Variants in BLK observed in about 807,000 individuals in gnomAD.
BLK encodes BLK proto-oncogene, Src family tyrosine kinase.
BLK carries 64 observed loss-of-function variants against 61.8 expected under a neutral mutation model. That is an observed-to-expected ratio of 1.03 (90% CI 0.85 to 1.27). The LOEUF (loss-of-function observed/expected upper bound fraction) is 1.27, where lower values mean the gene tolerates loss of function less well. BLK is among the 50% of genes most tolerant of loss of function. The pLI, the probability that BLK is intolerant of heterozygous loss-of-function variation, is 0.00. For synonymous variants in BLK, 351 were observed against 272.0 expected (o/e 1.29, Z -2.86); for missense variants, 853 against 660.5 (o/e 1.29, Z -3.19).
intron 1 of BLK, among the ~76,000 whole-genome samples, chr8:11,496,518 C>A (rs568265554): frequency 1.1e-3 from 172 of 152,372 alleles, no homozygotes; most frequent in African/African-American, 4.1e-3. Context: ...GCTGGGATTG[C>A]AGGCATGAGT....
At chr8:11,535,306 A>T (rs1051950162) in intron 1 of BLK, among the ~76,000 whole-genome samples, 1 of 145,888 alleles carries the variant, frequency 6.9e-6, no homozygotes, top group East Asian at 2.1e-4. Flanking sequence ...GAAAGAAAGA[A>T]AGAAAGAAAG....
chr8:11,555,838 G>A (rs1027257737), intron 8 of BLK: 8 of 374,390 alleles, frequency 2.1e-5, no homozygotes, highest in South Asian at 4.2e-5. Flanking sequence ...GAGGTTAAAC[G>A]TGATGAGCCA....
intron 1 of BLK, among the ~76,000 whole-genome samples, chr8:11,528,158 T>C (rs1227126054): frequency 2.0e-5 from 3 of 152,094 alleles, no homozygotes; most frequent in Non-Finnish European, 4.4e-5. Flanking sequence ...CACCTCAGCC[T>C]CCCAAGTCAT....
intron 1 of BLK, among the ~76,000 whole-genome samples, chr8:11,504,417 A>AAAGAAAAGAAAAGAAAAGAAAAGAAAAG (rs1563420851): frequency 7.2e-6 from 1 of 139,700 alleles, no homozygotes; most frequent in African/African-American, 2.7e-5. Context: ...AAAAGAAAAA[A>AAAGAAAAGAAAAGAAAAGAAAAGAAAAG]AAAAGAAAAG....
intron 1 of BLK, among the ~76,000 whole-genome samples, chr8:11,534,286 T>C (rs914996176): frequency 6.6e-6 from 1 of 152,238 alleles, no homozygotes; most frequent in Non-Finnish European, 1.5e-5. Context: ...TTAAGGCCCA[T>C]AGTCTCATCA....
At chr8:11,496,479 G>C (rs1019267373) in intron 1 of BLK, among the ~76,000 whole-genome samples, 10 of 152,218 alleles carry the variant, frequency 6.6e-5, no homozygotes, top group African/African-American at 1.9e-4. Context: ...CTGGCTTCAA[G>C]CCATCCTCCC....
At chr8:11,560,492 T>TCGG in intron 10 of BLK, 2 of 248,848 alleles carry the variant, frequency 8.0e-6, no homozygotes, top group South Asian at 5.0e-5. Flanking sequence ...TGCTGGCTTC[T>TCGG]TGAAGTCGCA....
At chr8:11,536,542 C>T (rs1800141044) in intron 1 of BLK, among the ~76,000 whole-genome samples, 2 of 152,222 alleles carry the variant, frequency 1.3e-5, no homozygotes, top group East Asian at 1.9e-4. Context: ...AGGCATGCGC[C>T]TGGCTAATTT....
At chr8:11,531,867 G>C (rs1323027813) in intron 1 of BLK, among the ~76,000 whole-genome samples, 1 of 152,116 alleles carries the variant, frequency 6.6e-6, no homozygotes, top group Admixed American at 6.6e-5. Context: ...TTGTTTGTTT[G>C]TTTGTTTTTG....
chr8:11,527,931 A>T (rs1018770539), intron 1 of BLK, among the ~76,000 whole-genome samples: 4 of 152,124 alleles, frequency 2.6e-5, no homozygotes, highest in Admixed American at 2.0e-4. Context: ...TTTTAGCAGA[A>T]TTCAGGTCCC....
intron 1 of BLK, among the ~76,000 whole-genome samples, chr8:11,531,713 C>T (rs1400500327): frequency 1.3e-5 from 2 of 152,114 alleles, no homozygotes; most frequent in Non-Finnish European, 2.9e-5. Flanking sequence ...GCTAATTTCT[C>T]CCCAGTCACT....
In BLK at chr8:11,550,267, G is replaced by T. The variant is rs368987710; in HGVS notation, c.472+5G>T. ...GAGAGAGTGAAACCAACAAAGGTAGGCTTGGTGGCTTTGCCTGCCTTCCTT... is the reference window on the plus strand; with the variant it reads ...GAGAGAGTGAAACCAACAAAGGTAGTCTTGGTGGCTTTGCCTGCCTTCCTT... On this transcript the variant is annotated splice_donor_5th_base_variant and intron_variant, in intron 6 of 12. Coordinates refer to ENST00000259089, the MANE Select transcript of BLK (RefSeq NM_001715.3). The T allele has an allele frequency of 2.5e-6, 4 of 1,613,538 alleles. No homozygotes were observed. Among genetic ancestry groups the T allele is most frequent in the Non-Finnish European group, 3.4e-6 (4 of 1,179,822 alleles).
chr8:11,543,681 T>G (rs1290981052), intron 2 of BLK, among the ~76,000 whole-genome samples: 1 of 152,206 alleles, frequency 6.6e-6, no homozygotes, highest in East Asian at 1.9e-4. Flanking sequence ...CTGGAGACCC[T>G]TGTCCCCTAT....
chr8:11,545,956 G>A, intron 2 of BLK, 96 bp from the exon 3 acceptor site: 1 of 1,318,748 alleles, frequency 7.6e-7, no homozygotes, highest in African/African-American at 1.4e-5. Flanking sequence ...TAGGTCCCTG[G>A]AGATACCCTG....
chr8:11,561,234 C>T (rs2117599485), intron 10 of BLK, 68 bp from the exon 11 acceptor site: 2 of 1,570,870 alleles, frequency 1.3e-6, no homozygotes, highest in African/African-American at 1.4e-5. Context: ...GTGCGGGGGA[C>T]ACAGTGTGGG....
intron 2 of BLK, among the ~76,000 whole-genome samples, chr8:11,543,699 T>C (rs1040688926): frequency 4.6e-5 from 7 of 152,210 alleles, no homozygotes; most frequent in African/African-American, 1.7e-4. Flanking sequence ...TATGTGGCAT[T>C]GCTGCTGGCA....
At chr8:11,530,639 C>T (rs1799847162) in intron 1 of BLK, among the ~76,000 whole-genome samples, 1 of 150,870 alleles carries the variant, frequency 6.6e-6, no homozygotes, top group Non-Finnish European at 1.5e-5. Flanking sequence ...ATTTTGTTTA[C>T]AGGAGTATAT....
At chr8:11,508,067 C>T (rs1798850860) in intron 1 of BLK, among the ~76,000 whole-genome samples, 1 of 152,148 alleles carries the variant, frequency 6.6e-6, no homozygotes, top group Admixed American at 6.5e-5. Flanking sequence ...CTCACAACAG[C>T]CCCGTGATGT....
chr8:11,504,035 C>T (rs962808771), intron 1 of BLK, among the ~76,000 whole-genome samples: 2 of 152,174 alleles, frequency 1.3e-5, no homozygotes, highest in African/African-American at 4.8e-5. Context: ...AGAAAGATCC[C>T]ATTCACATCC....
Sources: allele counts gnomAD v4.1 joint callset (sites outside exome capture counted in the v4.1 genomes callset), GRCh38; gene constraint gnomAD v4.1.1; transcripts MANE v1.5; gene names NCBI Gene and HGNC (gene_info 2026-07-23, HGNC 2026-07-21).